Variants in OGFOD2 observed in about 807,000 individuals in gnomAD.
OGFOD2 encodes 2-oxoglutarate and iron-dependent oxygenase domain-containing protein 2.
In OGFOD2, 34 loss-of-function variants were observed where a neutral mutation model predicts 31.1. The observed-to-expected ratio is 1.09, with a 90% CI of 0.83 to 1.45. The LOEUF (loss-of-function observed/expected upper bound fraction) is 1.45, where lower values mean the gene tolerates loss of function less well. Ranked by LOEUF, OGFOD2 falls within the 40% of genes most tolerant of loss-of-function variation. The probability of loss-of-function intolerance (pLI) is 0.00; values close to 1 mark genes in which losing one functional copy is unlikely to be tolerated. For synonymous variants in OGFOD2, 240 were observed against 192.3 expected (o/e 1.25, Z -2.05); for missense variants, 537 against 433.9 (o/e 1.24, Z -2.11).
In OGFOD2 at chr12:122,978,852, G is replaced by A. The variant is rs539702124; in HGVS notation, c.631G>A (p.Gly211Arg). ...GGCCCTGCTGTACCCTGACTGTGGCGGGGGCCGGCTCGACAGCCACCGGGC... is the reference window on the plus strand; with the variant it reads ...GGCCCTGCTGTACCCTGACTGTGGCAGGGGCCGGCTCGACAGCCACCGGGC... The change falls in exon 6 of 7, where the codon GGG becomes AGG. Residue 211 changes from glycine to arginine, a missense_variant. Coordinates refer to ENST00000228922, the Ensembl canonical transcript of OGFOD2. 17 of 1,611,508 alleles carry A rather than the reference G, an allele frequency of 1.1e-5. No individual in the cohort carries two copies. The South Asian group carries it at 1.3e-4, about 13-fold the overall frequency.
exon 6 of OGFOD2, chr12:122,978,885 G>T (rs569953180): frequency 3.2e-5 from 52 of 1,612,610 alleles, no homozygotes; most frequent in Non-Finnish European, 1.3e-5. Flanking sequence ...GGCCTTTGTG[G>T]TCAAATACGC....
chr12:122,979,278 G>C (rs748066332), exon 7 of OGFOD2: 5 of 1,612,984 alleles, frequency 3.1e-6, no homozygotes, highest in Admixed American at 3.3e-5. Context: ...CCTGGTGGAC[G>C]ATGAGGGCTT....
At chr12:122,979,343 C>A in exon 7 of OGFOD2, 1 of 1,598,784 alleles carries the variant, frequency 6.3e-7, no homozygotes. Context: ...GTGCGCTCAC[C>A]TGAGCTTGCT....
intron 5 of OGFOD2, 69 bp downstream of exon 5, chr12:122,978,638 C>T (rs2037505248): frequency 1.9e-6 from 3 of 1,594,222 alleles, no homozygotes; most frequent in Non-Finnish European, 2.6e-6. Flanking sequence ...AGAGGTTCTG[C>T]AGATGGGCTG....
exon 7 of OGFOD2, chr12:122,979,516 G>A: frequency 1.1e-6 from 1 of 875,914 alleles, no homozygotes; most frequent in Non-Finnish European, 1.7e-6. Context: ...TTTGTCAGAA[G>A]CAGGGTCTGG....
chr12:122,977,390 G>C, intron 4 of OGFOD2: 1 of 280,190 alleles, frequency 3.6e-6, no homozygotes, highest in Non-Finnish European at 7.0e-6. Context: ...CTGGAGTTGT[G>C]GCTCTGGGCG....
intron 4 of OGFOD2, 81 bp downstream of exon 4, chr12:122,977,051 C>T: frequency 1.5e-6 from 2 of 1,350,162 alleles, no homozygotes; most frequent in East Asian, 2.4e-5. Context: ...GGGGTCCCTC[C>T]AGCCACCATC....
chr12:122,975,439 G>GGGAA (rs2037387265), intron 1 of OGFOD2, 56 bp downstream of exon 1: 1 of 631,914 alleles, frequency 1.6e-6, no homozygotes, highest in South Asian at 1.6e-5. Context: ...TAGTGGAGGA[G>GGGAA]GGAAGTTCGT....
rs769857147 is a variant in OGFOD2, at chr12:122,979,170, C to T, written c.877C>T (p.Arg293Trp). ...CCGTGGCGGCCAGCTGCATGGAGCC[C>T]GGCCCTTGGGCACTGGTGAGCGTTG... The change falls in exon 7 of 7, where the codon CGG (arginine) becomes TGG (tryptophan). Residue 293 changes from arginine (R) to tryptophan (W), a missense_variant. Transcript: ENST00000228922. 34 of 1,611,198 alleles carry T rather than the reference C, an allele frequency of 2.1e-5. No individual in the cohort carries two copies. In the Middle Eastern group the frequency reaches 4.9e-4, roughly 23 times the overall value.
intron 6 of OGFOD2, 25 bp downstream of exon 6, chr12:122,979,035 G>A (rs1215660203): frequency 2.5e-6 from 4 of 1,606,876 alleles, no homozygotes; most frequent in Admixed American, 3.3e-5. Context: ...CATGCGGCAG[G>A]GCCTGGGGCA....
At chr12:122,976,257 C>T (rs967359191) in intron 2 of OGFOD2, 7 of 878,232 alleles carry the variant, frequency 8.0e-6, no homozygotes, top group Non-Finnish European at 7.4e-6. Context: ...CCGCAGGCTG[C>T]TGCCAGGGCT....
intron 4 of OGFOD2, chr12:122,977,998 C>T (rs1350816950): frequency 1.9e-5 from 3 of 161,064 alleles, no homozygotes; most frequent in African/African-American, 7.2e-5. Flanking sequence ...CAAGAAAGAA[C>T]AGCCCCTTCT....
At chr12:122,977,413 C>A (rs1190044535) in intron 4 of OGFOD2, 3 of 219,948 alleles carry the variant, frequency 1.4e-5, no homozygotes, top group Admixed American at 5.3e-5. Context: ...GGCCTGCGGC[C>A]ATGCCAAACT....
intron 4 of OGFOD2, chr12:122,978,173 C>A (rs2037487504): frequency 2.9e-6 from 1 of 343,122 alleles, no homozygotes; most frequent in South Asian, 4.2e-5. Flanking sequence ...CTACTTCCTT[C>A]CCCTCTCTGG....
At position 122,975,803 on chromosome 12, in the gene OGFOD2, G is replaced by C. The variant is rs1255053211; in HGVS notation, c.133-8G>C. The C allele has an allele frequency of 1.4e-6, 1 of 702,874 alleles. No homozygotes were observed. The highest frequency in any genetic ancestry group is 2.0e-5 in the Admixed American group (1 of 50,014). 43.5% of individuals were successfully genotyped at this position (702,874 alleles called of 1,614,324 possible). A position where few individuals can be genotyped will look rare whatever the true frequency, so the allele number is the denominator to read the frequency against. ...TACAGTCATGCTCAGTGTTCTTTCT[G>C]CTCCCAGATCCTGCGCAGCCGAGGC... On this transcript the variant is annotated splice_polypyrimidine_tract_variant and splice_region_variant and intron_variant, in intron 1 of 6. Coordinates refer to ENST00000228922, the Ensembl canonical transcript of OGFOD2.
chr12:122,975,877 C>A lies in OGFOD2; in HGVS notation c.189+10C>A. The A allele has an allele frequency of 1.4e-6, 1 of 702,452 alleles. No homozygotes were observed. The allele number at this position is 702,452 out of a possible 1,614,324, so 43.5% of individuals were successfully genotyped here. On this transcript the variant is annotated intron_variant, in intron 2 of 6. Coordinates refer to ENST00000228922, the Ensembl canonical transcript of OGFOD2. ...GCAGCTGTTAGCAGAGGTACCAGTC[C>A]CCTGCCCCTGCACAGCTCCTCCTCG... is the stretch of plus-strand genomic sequence containing the variant.
chr12:122,979,118 G>A (rs1221410424), exon 7 of OGFOD2: 2 of 1,602,396 alleles, frequency 1.2e-6, no homozygotes, highest in Non-Finnish European at 1.7e-6. Context: ...TGGAGGTGGA[G>A]CACGTGGTGG....
exon 6 of OGFOD2, chr12:122,978,755 G>T: frequency 6.2e-7 from 1 of 1,607,430 alleles, no homozygotes; most frequent in Non-Finnish European, 8.5e-7. Flanking sequence ...CCTCCCAGGT[G>T]CTGCTGCACG....
At chr12:122,979,550 A>C in exon 7 of OGFOD2, 1 of 655,538 alleles carries the variant, frequency 1.5e-6, no homozygotes, top group Non-Finnish European at 2.5e-6. Context: ...CGAGGGAGTC[A>C]GGGAAGCAGG....
Sources: gnomAD v4.1 joint callset for allele counts on GRCh38, gnomAD v4.1.1 for gene constraint, MANE v1.5 for transcripts, NCBI Gene and HGNC (gene_info 2026-07-23, HGNC 2026-07-21) for gene names.